The following PDE1C variants were observed in gnomAD, a reference collection of about 807,000 sequenced individuals.
The protein encoded by PDE1C is dual specificity calcium/calmodulin-dependent 3',5'-cyclic nucleotide phosphodiesterase 1C.
Under a neutral mutation model 93.1 loss-of-function variants are expected in PDE1C, and 62 were observed. The observed-to-expected ratio is 0.67, with a 90% CI of 0.54 to 0.82. The LOEUF is 0.82. Among genes scored for constraint, PDE1C ranks in the 40% least tolerant of loss-of-function variants. The pLI, the probability that PDE1C is intolerant of heterozygous loss-of-function variation, is 0.00. For missense variants in PDE1C, 742 were observed against 884.6 expected (o/e 0.84, Z 2.04); for synonymous variants, 325 against 310.1 (o/e 1.05, Z -0.50).
chr7:31,999,726 T>C (rs1338221586), intron 2 of PDE1C, among the ~76,000 whole-genome samples: 1 of 152,204 alleles, frequency 6.6e-6, no homozygotes, highest in African/African-American at 2.4e-5. Flanking sequence ...TTTTACACTT[T>C]ACCATATACA....
At chr7:31,838,155 C>A (rs1010070067) in intron 9 of PDE1C, among the ~76,000 whole-genome samples, 184 bp from the exon 10 acceptor site, 2 of 151,944 alleles carry the variant, frequency 1.3e-5, no homozygotes, top group Admixed American at 1.3e-4. Flanking sequence ...TTAAGAAAAT[C>A]ATTTATTAGG....
the PDE1C span, among the ~76,000 whole-genome samples, chr7:31,711,547 T>C: frequency 4.0e-4 from 61 of 152,320 alleles, no homozygotes; most frequent in Non-Finnish European, 7.1e-4. Flanking sequence ...AAGGAGATCA[T>C]TCCATGATCC....
At chr7:31,650,778 A>G in the PDE1C span, among the ~76,000 whole-genome samples, 1 of 152,340 alleles carries the variant, frequency 6.6e-6, no homozygotes, top group East Asian at 1.9e-4. Context: ...ACAAAGTTAA[A>G]CAAGATTAAA....
At chr7:31,672,544 C>T in the PDE1C span, among the ~76,000 whole-genome samples, 3 of 152,010 alleles carry the variant, frequency 2.0e-5, no homozygotes, top group African/African-American at 7.3e-5. Flanking sequence ...TTTTGACCTT[C>T]TCTGATTTCT....
Position 32,299,219 on chromosome 7 carries a change from G to A in PDE1C, c.-484C>T, listed in dbSNP as rs374933364. ...CTGAATTGGCGTCGTGCGTCTTCTA[G>A]ATATGTTTTCTCTGGCAGACCGGGG... On this transcript the variant is annotated 5_prime_UTR_variant, in exon 1 of 19. Transcript: ENST00000396193. The A allele has an allele frequency of 4.0e-6, 4 of 989,242 alleles. No individual in the cohort carries two copies. In the East Asian group the frequency reaches 3.4e-4, roughly 84 times the overall value. The allele number at this position is 989,242 out of a possible 1,614,324, so 61.3% of individuals were successfully genotyped here.
chr7:32,298,793 C>T, exon 1 of PDE1C: 7 of 1,537,606 alleles, frequency 4.6e-6, no homozygotes, highest in Non-Finnish European at 6.1e-6. Context: ...GCGGTCCCCC[C>T]CACGGCGGAG....
At chr7:32,276,934 A>T (rs1811327459) in intron 1 of PDE1C, among the ~76,000 whole-genome samples, 1 of 152,094 alleles carries the variant, frequency 6.6e-6, no homozygotes, top group African/African-American at 2.4e-5. Flanking sequence ...AGGGGGAAAA[A>T]ATCCCTATAC....
rs562169880 is a variant in PDE1C at position 31,883,124 on chromosome 7, C to T, written c.129-2264G>A. Among the ~76,000 whole-genome samples, 79 of 152,218 alleles carry T rather than the reference C, an allele frequency of 5.2e-4. 1 individual carries two copies. Among genetic ancestry groups the T allele is most frequent in the African/African-American group, 1.9e-3 (77 of 41,528 alleles). On this transcript the variant is annotated intron_variant, in intron 2 of 17. Transcript: ENST00000396191. ...ATCAAAAAGCAATTTAATAACAGTA[C>T]CAATTTTTGAGAATAATATGGGAAA...
chr7:32,391,445 G>C (rs1784748396), intron 1 of PDE1C, among the ~76,000 whole-genome samples: 1 of 152,164 alleles, frequency 6.6e-6, no homozygotes, highest in African/African-American at 2.4e-5. Flanking sequence ...TAAACAGCTA[G>C]ACAGAAAAGT....
intron 2 of PDE1C, among the ~76,000 whole-genome samples, chr7:31,985,213 G>A (rs184416676): frequency 1.6e-4 from 24 of 152,090 alleles, no homozygotes; most frequent in African/African-American, 5.5e-4. Flanking sequence ...ATCATCATAG[G>A]GAAGGCATGG....
intron 1 of PDE1C, among the ~76,000 whole-genome samples, chr7:32,249,000 C>T (rs1562617720): frequency 1.3e-5 from 2 of 152,058 alleles, no homozygotes; most frequent in South Asian, 2.1e-4. Flanking sequence ...AGGGACTAGA[C>T]ATATTCCCTA....
chr7:32,241,262 T>C (rs1302688435), intron 1 of PDE1C, among the ~76,000 whole-genome samples: 2 of 152,138 alleles, frequency 1.3e-5, no homozygotes, highest in Non-Finnish European at 2.9e-5. Flanking sequence ...AACATAAATG[T>C]AGATAGAGAA....
At chr7:31,625,531 C>T in the PDE1C span, among the ~76,000 whole-genome samples, 3 of 151,922 alleles carry the variant, frequency 2.0e-5, no homozygotes, top group Non-Finnish European at 4.4e-5. Context: ...AACAAAAAAC[C>T]AGACACCACA....
chr7:31,889,838 C>A (rs1798404061), intron 2 of PDE1C, among the ~76,000 whole-genome samples: 1 of 152,158 alleles, frequency 6.6e-6, no homozygotes, highest in Non-Finnish European at 1.5e-5. Context: ...GACTTTGTTC[C>A]TTTGCACTTC....
chr7:31,900,048 G>T (rs978336063), intron 2 of PDE1C, among the ~76,000 whole-genome samples: 57 of 152,194 alleles, frequency 3.7e-4, no homozygotes, highest in African/African-American at 1.3e-3. Context: ...CAAGAAAAGC[G>T]AAAGTGTAGT....
At chr7:31,617,572 C>CTGAT in the PDE1C span, among the ~76,000 whole-genome samples, 1 of 151,972 alleles carries the variant, frequency 6.6e-6, no homozygotes, top group Non-Finnish European at 1.5e-5. Context: ...AAAATACATC[C>CTGAT]TGATTAGTCT....
chr7:31,918,625 T>G (rs1404704556), intron 2 of PDE1C, among the ~76,000 whole-genome samples: 1 of 152,250 alleles, frequency 6.6e-6, no homozygotes, highest in Non-Finnish European at 1.5e-5. Flanking sequence ...ATTCCTTCTC[T>G]GTAGGCTTTC....
intron 2 of PDE1C, among the ~76,000 whole-genome samples, chr7:32,026,864 A>C (rs1789503953): frequency 2.0e-5 from 3 of 152,194 alleles, no homozygotes; most frequent in Admixed American, 2.0e-4. Context: ...AGCTATGAAA[A>C]GACATAGAGA....
At chr7:31,970,210 CA>C (rs1234543217) in intron 2 of PDE1C, among the ~76,000 whole-genome samples, 1 of 151,918 alleles carries the variant, frequency 6.6e-6, no homozygotes, top group Non-Finnish European at 1.5e-5. Flanking sequence ...AATATCCCAC[CA>C]AAACAAACGA....
Sources: allele counts gnomAD v4.1 joint callset (sites outside exome capture counted in the v4.1 genomes callset), GRCh38; gene constraint gnomAD v4.1.1; transcripts MANE v1.5; gene names NCBI Gene and HGNC (gene_info 2026-07-23, HGNC 2026-07-21).